The following NLK variants were observed in gnomAD, a reference collection of about 807,000 sequenced individuals.
The protein encoded by NLK is serine/threonine-protein kinase NLK.
Under a neutral mutation model 59.0 loss-of-function variants are expected in NLK, and 11 were observed. The observed-to-expected ratio is 0.19, with a 90% confidence interval of 0.12 to 0.31. NLK has a LOEUF of 0.31. NLK is among the 10% of genes least tolerant of loss of function. The pLI, the probability that NLK is intolerant of heterozygous loss-of-function variation, is 1.00. For missense variants in NLK, 410 were observed against 661.1 expected, an observed-to-expected ratio of 0.62 and a Z score of 4.16; for synonymous variants, 235 against 235.9, an observed-to-expected ratio of 1.00 and a Z score of 0.03.
In NLK at chr17:28,172,629, G is replaced by A. The variant is rs1446106815; in HGVS notation, c.1149+11G>A. 2.0e-6 allele frequency: 3 copies of A among 1,463,532 alleles called. No individual in the cohort carries two copies. The highest frequency in any genetic ancestry group is 2.9e-5 in the African/African-American group (2 of 69,676). 90.7% of individuals were successfully genotyped at this position (1,463,532 alleles called of 1,614,324 possible). On this transcript the variant is annotated intron_variant, in intron 7 of 10. Coordinates refer to ENST00000407008, the MANE Select transcript of NLK (RefSeq NM_016231.5). ...GGTCCTCATAAACAGGTGAGAGGAG[G>A]GGGGAATCTTTTTCTGGTAACCATC...
intron 3 of NLK, among the ~76,000 whole-genome samples, chr17:28,158,194 A>G (rs1376091884): frequency 2.0e-5 from 3 of 152,234 alleles, no homozygotes; most frequent in Non-Finnish European, 2.9e-5. Context: ...TTAGGCTACA[A>G]ACCTGTACAA....
chr17:28,087,977 T>G (rs904271639), intron 1 of NLK, among the ~76,000 whole-genome samples: 1 of 152,206 alleles, frequency 6.6e-6, no homozygotes, highest in Non-Finnish European at 1.5e-5. Flanking sequence ...GGTTGAACTT[T>G]GAGAATGTCA....
At chr17:28,050,791 G>A (rs1909225048) in intron 1 of NLK, among the ~76,000 whole-genome samples, 2 of 152,078 alleles carry the variant, frequency 1.3e-5, no homozygotes. Context: ...GAAAATGGGA[G>A]TGATCTTTGG....
intron 1 of NLK, among the ~76,000 whole-genome samples, chr17:28,104,483 T>A (rs147359118): frequency 3.3e-5 from 5 of 152,294 alleles, no homozygotes; most frequent in Non-Finnish European, 7.4e-5. Flanking sequence ...CTCGAACTCC[T>A]GACCTCGTGA....
At chr17:28,148,118 C>G (rs1035949827) in intron 3 of NLK, among the ~76,000 whole-genome samples, 4 of 151,730 alleles carry the variant, frequency 2.6e-5, no homozygotes, top group African/African-American at 4.8e-5. Flanking sequence ...CTAATGATTC[C>G]CAAACTTATA....
chr17:28,117,135 G>T (rs1010321733), intron 1 of NLK, among the ~76,000 whole-genome samples: 1 of 152,150 alleles, frequency 6.6e-6, no homozygotes, highest in Non-Finnish European at 1.5e-5. Flanking sequence ...TTTCCTGCAG[G>T]CAGTTCAGAT....
At chr17:28,087,991 T>TAGATGACCACTCC (rs1904344415) in intron 1 of NLK, among the ~76,000 whole-genome samples, 1 of 152,196 alleles carries the variant, frequency 6.6e-6, no homozygotes, top group Non-Finnish European at 1.5e-5. Context: ...AATGTCAGCA[T>TAGATGACCACTCC]CTAGGGAGTG....
At chr17:28,090,332 T>G (rs2142776686) in intron 1 of NLK, among the ~76,000 whole-genome samples, 1 of 152,324 alleles carries the variant, frequency 6.6e-6, no homozygotes, top group East Asian at 1.9e-4. Flanking sequence ...TAAACAGTTG[T>G]CTTTTAAGGA....
intron 3 of NLK, among the ~76,000 whole-genome samples, chr17:28,149,283 T>G (rs537592376): frequency 1.3e-5 from 2 of 152,284 alleles, no homozygotes; most frequent in Admixed American, 1.3e-4. Flanking sequence ...AGGCTGGTCT[T>G]GAACTTCTGG....
chr17:28,046,995 G>A (rs1267443235), intron 1 of NLK, among the ~76,000 whole-genome samples: 1 of 152,160 alleles, frequency 6.6e-6, no homozygotes, highest in African/African-American at 2.4e-5. Context: ...AACTTCAGCA[G>A]GTTACTTTTA....
intron 10 of NLK, among the ~76,000 whole-genome samples, chr17:28,193,227 A>G (rs1909371788): frequency 6.6e-6 from 1 of 152,230 alleles, no homozygotes; most frequent in Admixed American, 6.5e-5. Context: ...CTCCCTGTAG[A>G]CTGAGGGAGA....
At chr17:28,071,138 T>C (rs1001630731) in intron 1 of NLK, among the ~76,000 whole-genome samples, 2 of 152,202 alleles carry the variant, frequency 1.3e-5, no homozygotes, top group Non-Finnish European at 2.9e-5. Context: ...AAAAAATGTC[T>C]ACAGACAGTA....
chr17:28,109,158 G>A (rs55813154), intron 1 of NLK, among the ~76,000 whole-genome samples: 1,600 of 151,000 alleles, frequency 0.011, 29 homozygotes, highest in African/African-American at 0.035. Flanking sequence ...GCAACACAGC[G>A]AGACTTCGTC....
At chr17:28,045,484 T>C (rs1320484050) in intron 1 of NLK, among the ~76,000 whole-genome samples, 5 of 152,240 alleles carry the variant, frequency 3.3e-5, no homozygotes, top group Non-Finnish European at 7.3e-5. Flanking sequence ...ATGGCCGTCC[T>C]CCTGTGTTAT....
chr17:28,066,486 A>C (rs1190342379), intron 1 of NLK, among the ~76,000 whole-genome samples: 1 of 152,234 alleles, frequency 6.6e-6, no homozygotes, highest in Admixed American at 6.5e-5. Context: ...CATTGTATTA[A>C]TATATCACAA....
intron 3 of NLK, among the ~76,000 whole-genome samples, chr17:28,158,954 C>A (rs943329279): frequency 2.6e-5 from 4 of 152,192 alleles, no homozygotes; most frequent in African/African-American, 9.7e-5. Context: ...GTGGGACCAC[C>A]TTTATACATG....
chr17:28,082,351 G>T (rs923988085), intron 1 of NLK, among the ~76,000 whole-genome samples: 12 of 152,168 alleles, frequency 7.9e-5, no homozygotes, highest in African/African-American at 2.4e-4. Context: ...CTGTTAAAAG[G>T]GGGGAAAAGG....
chr17:28,142,394 T>C (rs1907040797), intron 3 of NLK, among the ~76,000 whole-genome samples: 1 of 152,236 alleles, frequency 6.6e-6, no homozygotes, highest in South Asian at 2.1e-4. Flanking sequence ...TTGATTTCTA[T>C]AGAGAAGCAC....
At chr17:28,202,065 T>C in the NLK span, among the ~76,000 whole-genome samples, 16 of 151,976 alleles carry the variant, frequency 1.1e-4, no homozygotes, top group Non-Finnish European at 2.1e-4. Flanking sequence ...AGAAAAACTA[T>C]GTGACAAAAA....
Sources: gnomAD v4.1 joint callset for allele counts (sites outside exome capture counted in the v4.1 genomes callset) on GRCh38, gnomAD v4.1.1 for gene constraint, MANE v1.5 for transcripts, NCBI Gene and HGNC (gene_info 2026-07-23, HGNC 2026-07-21) for gene names.